C9orf85: variants seen among roughly 807,000 people sequenced by gnomAD.
The protein encoded by C9orf85 is uncharacterized protein C9orf85.
A neutral mutation model predicts 14.9 loss-of-function variants in C9orf85; 16 were observed. That is an observed-to-expected ratio of 1.08 (90% CI 0.73 to 1.63). C9orf85 has a LOEUF of 1.63. Among genes scored for constraint, C9orf85 ranks in the 40% most tolerant of loss-of-function variants. The pLI, the probability that C9orf85 is intolerant of heterozygous loss-of-function variation, is 0.00. For missense variants in C9orf85, 172 were observed against 186.1 expected (o/e 0.92, Z 0.44); for synonymous variants, 45 against 56.8 (o/e 0.79, Z 0.93).
chr9:71,932,850 AG>A (rs1240052635), intron 1 of C9orf85, among the ~76,000 whole-genome samples: 3 of 152,188 alleles, frequency 2.0e-5, no homozygotes, highest in Admixed American at 2.0e-4. Flanking sequence ...AGATACTCAA[AG>A]AACTAAAGAA....
chr9:71,976,961 G>A (rs1040685199), downstream of C9orf85, among the ~76,000 whole-genome samples: 3 of 152,164 alleles, frequency 2.0e-5, no homozygotes, highest in African/African-American at 7.2e-5. Flanking sequence ...CAAGAAGAAA[G>A]CACTTTTCAA....
chr9:71,920,602 C>T lies in C9orf85; in HGVS notation c.102+8766C>T, dbSNP rs183560282. On this transcript the variant is annotated intron_variant, in intron 1 of 3. Coordinates refer to ENST00000334731, the MANE Select transcript of C9orf85 (RefSeq NM_182505.5). ...TTATTTTAAGCCTCAGGACTCCACA[C>T]CTGCAAAAATATTACTGTGAGGTCA... Among the ~76,000 whole-genome samples the T allele has an allele frequency of 3.9e-5, 6 of 152,246 alleles. No individual in the cohort carries two copies. In the East Asian group the frequency reaches 1.2e-3, roughly 29 times the overall value.
chr9:71,983,367 G>T (rs1485774588), downstream of C9orf85: 1 of 152,138 alleles, frequency 6.6e-6, no homozygotes, highest in Non-Finnish European at 1.5e-5. Flanking sequence ...CAGATGTGTT[G>T]CCCATTTTAA....
At chr9:71,931,141 C>T (rs1828061780) in intron 1 of C9orf85, among the ~76,000 whole-genome samples, 1 of 152,182 alleles carries the variant, frequency 6.6e-6, no homozygotes, top group Non-Finnish European at 1.5e-5. Flanking sequence ...CAATCCATGT[C>T]TGAATTAAGG....
intron 2 of C9orf85, among the ~76,000 whole-genome samples, chr9:71,956,497 C>A (rs1309751492): frequency 2.7e-5 from 2 of 74,056 alleles, no homozygotes; most frequent in Non-Finnish European, 6.3e-5. Flanking sequence ...GATCTGCCCG[C>A]CTCAGCCTCC....
chr9:71,942,222 A>T (rs1435637307), intron 1 of C9orf85, among the ~76,000 whole-genome samples: 1 of 152,244 alleles, frequency 6.6e-6, no homozygotes, highest in South Asian at 2.1e-4. Context: ...CAGGATAGAA[A>T]ACAGTTCTGT....
At chr9:71,975,929 C>T (rs533328294), downstream of C9orf85, among the ~76,000 whole-genome samples, 41 of 152,302 alleles carry the variant, frequency 2.7e-4, no homozygotes, top group South Asian at 8.3e-3. Flanking sequence ...ATTAAGGAGC[C>T]AACTAAAGTC....
At position 71,967,629 on chromosome 9, in the gene C9orf85, ATT is replaced by A. The variant is rs567564497; in HGVS notation, c.210-3875_210-3874del. Among the ~76,000 whole-genome samples the A allele has an allele frequency of 6.7e-4, 101 of 151,430 alleles. 1 individual carries two copies. The East Asian group carries it at 0.018, about 27-fold the overall frequency. On this transcript the variant is annotated intron_variant, in intron 2 of 3. Transcript: ENST00000334731. ...ATGTCCAGTTCATTTTAAAAAATAG[ATT>A]CATTGGTGTTTTCTATATAGACAGT...
chr9:71,973,099 C>T lies in C9orf85; in HGVS notation c.*257C>T, dbSNP rs140545656. The T allele has an allele frequency of 3.2e-3, 583 of 181,752 alleles. 3 individuals are homozygous for T. Among genetic ancestry groups the T allele is most frequent in the African/African-American group, 0.013 (536 of 42,628 alleles). 11.3% of individuals were successfully genotyped at this position (181,752 alleles called of 1,614,324 possible). ...GGCGGAGATTGAAGTGAGCTGAGTT[C>T]GTGCCATTACACTCCAGCCTGGGTG... On this transcript the variant is annotated 3_prime_UTR_variant, in exon 4 of 4. Transcript: ENST00000334731.
At chr9:71,956,098 A>T (rs1396543018) in intron 2 of C9orf85, among the ~76,000 whole-genome samples, 1 of 152,084 alleles carries the variant, frequency 6.6e-6, no homozygotes, top group African/African-American at 2.4e-5. Context: ...GAATTTTTAC[A>T]TGTTTTTTCT....
chr9:71,963,899 A>G (rs1373828700), intron 2 of C9orf85, among the ~76,000 whole-genome samples: 1 of 152,134 alleles, frequency 6.6e-6, no homozygotes, highest in African/African-American at 2.4e-5. Flanking sequence ...AGTCCCATCA[A>G]CCACCCAAGG....
Position 71,948,490 on chromosome 9 carries a change from T to C in C9orf85, c.209+1378T>C, listed in dbSNP as rs900933080. ...AGTCTAGTATTTATTACAGGTATAGTTGACCCCCCTTTTGTTTTATTTTAT... is the reference window on the plus strand; with the variant it reads ...AGTCTAGTATTTATTACAGGTATAGCTGACCCCCCTTTTGTTTTATTTTAT... On this transcript the variant is annotated intron_variant, in intron 2 of 3. Coordinates refer to ENST00000334731, the MANE Select transcript of C9orf85 (RefSeq NM_182505.5). Among the ~76,000 whole-genome samples, 3 of 152,218 alleles carry C rather than the reference T, an allele frequency of 2.0e-5. No homozygotes were observed. The East Asian group carries it at 5.8e-4, about 29-fold the overall frequency.
At chr9:71,951,247 G>A (rs1012575672) in intron 2 of C9orf85, among the ~76,000 whole-genome samples, 12 of 152,220 alleles carry the variant, frequency 7.9e-5, no homozygotes, top group South Asian at 4.1e-4. Context: ...TAAGTTGGAA[G>A]AGAGATGAAT....
chr9:71,969,840 G>T (rs1456658599), intron 2 of C9orf85, among the ~76,000 whole-genome samples: 1 of 151,078 alleles, frequency 6.6e-6, no homozygotes, highest in African/African-American at 2.4e-5. Flanking sequence ...ATTTAGAAGT[G>T]TTTTATTTTC....
intron 2 of C9orf85, among the ~76,000 whole-genome samples, chr9:71,966,575 G>A (rs941236492): frequency 4.6e-5 from 7 of 151,982 alleles, no homozygotes; most frequent in Non-Finnish European, 1.0e-4. Context: ...AAGGGAAAAG[G>A]ATGTACAAAT....
At chr9:71,950,042 T>C (rs1822205739) in intron 2 of C9orf85, among the ~76,000 whole-genome samples, 1 of 152,158 alleles carries the variant, frequency 6.6e-6, no homozygotes, top group Non-Finnish European at 1.5e-5. Context: ...TCTAAACATA[T>C]TACTTAGGAG....
intron 2 of C9orf85, among the ~76,000 whole-genome samples, chr9:71,949,461 G>C (rs1822190467): frequency 6.6e-6 from 1 of 152,082 alleles, no homozygotes; most frequent in East Asian, 1.9e-4. Context: ...TCTCGCGACA[G>C]AGCAAGACTC....
At position 71,913,098 on chromosome 9, in the gene C9orf85, G is replaced by A. The variant is rs116333110; in HGVS notation, c.102+1262G>A. On this transcript the variant is annotated intron_variant, in intron 1 of 3. Coordinates refer to ENST00000334731, the MANE Select transcript of C9orf85 (RefSeq NM_182505.5). ...ATTTAATTTCTCTGAGCCTTACTTT[G>A]GTCTCAAATGCAAATTTGTCAGGAT... Among the ~76,000 whole-genome samples, 1,376 of 152,096 alleles carry A rather than the reference G, an allele frequency of 9.0e-3. 21 individuals carry two copies. Among genetic ancestry groups the A allele is most frequent in the African/African-American group, 0.031 (1,275 of 41,470 alleles).
chr9:71,974,070 G>A (rs1454998067), downstream of C9orf85, among the ~76,000 whole-genome samples: 3 of 151,284 alleles, frequency 2.0e-5, no homozygotes, highest in African/African-American at 7.3e-5. Flanking sequence ...GAGATTACAG[G>A]TGCCCGCCAC....
Sources: gnomAD v4.1 joint callset for allele counts (sites outside exome capture counted in the v4.1 genomes callset) on GRCh38, gnomAD v4.1.1 for gene constraint, MANE v1.5 for transcripts, NCBI Gene and HGNC (gene_info 2026-07-23, HGNC 2026-07-21) for gene names.